Variants in LFNG observed in about 807,000 individuals in gnomAD.
LFNG encodes the protein beta-1,3-N-acetylglucosaminyltransferase lunatic fringe.
In LFNG, 15 loss-of-function variants were observed where a neutral mutation model predicts 32.7. The ratio of observed to expected loss-of-function variants is 0.46; its 90% CI spans 0.31 to 0.71. The LOEUF (loss-of-function observed/expected upper bound fraction) is 0.71, where lower values mean the gene tolerates loss of function less well. LFNG is among the 30% of genes least tolerant of loss of function. The probability of loss-of-function intolerance (pLI) is 0.06; values close to 1 mark genes in which losing one functional copy is unlikely to be tolerated. For synonymous variants in LFNG, 274 were observed against 246.8 expected (o/e 1.11, Z -1.03); for missense variants, 520 against 545.7 (o/e 0.95, Z 0.47).
At chr7:2,518,377 C>T (rs1260905462), upstream of LFNG, among the ~76,000 whole-genome samples, 2 of 152,154 alleles carry the variant, frequency 1.3e-5, no homozygotes, top group Non-Finnish European at 2.9e-5. Flanking sequence ...CTGGGAACCC[C>T]CATCCCCCAC....
Position 2,527,480 on chromosome 7 carries a change from T to G in LFNG, c.*268T>G, listed in dbSNP as rs1780028366. 1 of 1,397,976 alleles carries G rather than the reference T, an allele frequency of 7.2e-7. No homozygotes were observed. The highest frequency in any genetic ancestry group is 1.5e-5 in the South Asian group (1 of 66,790). The allele number at this position is 1,397,976 out of a possible 1,614,324, so 86.6% of individuals were successfully genotyped here. Reference sequence around the variant, plus strand: ...TGCAGGGCCTGCTTGGAGGAAGGATTTGTGTGTCGGAGGCCACTCCGAGGG... The same window carrying G: ...TGCAGGGCCTGCTTGGAGGAAGGATGTGTGTGTCGGAGGCCACTCCGAGGG... On this transcript the variant is annotated 3_prime_UTR_variant, in exon 8 of 8. Coordinates refer to ENST00000222725, the MANE Select transcript of LFNG (RefSeq NM_001040167.2). This position sits in a 1 kb window ranked among gnomAD's most constrained non-coding sequence, Gnocchi z 4.4.
Position 2,527,514 on chromosome 7 carries a change from T to C in LFNG, c.*302T>C. 1 of 1,339,844 alleles carries C rather than the reference T, an allele frequency of 7.5e-7. No homozygotes were observed. Among genetic ancestry groups the C allele is most frequent in the Non-Finnish European group, 9.6e-7 (1 of 1,038,204 alleles). The allele number at this position is 1,339,844 out of a possible 1,614,324, so 83.0% of individuals were successfully genotyped here. A position where few individuals can be genotyped will look rare whatever the true frequency, so the allele number is the denominator to read the frequency against. Reference sequence around the variant, plus strand: ...GGAGGCCACTCCGAGGGCAATTCTGTTAGGATTTTTGGATCTTTCTACAGC... The same window carrying C: ...GGAGGCCACTCCGAGGGCAATTCTGCTAGGATTTTTGGATCTTTCTACAGC... On this transcript the variant is annotated 3_prime_UTR_variant, in exon 8 of 8. Coordinates refer to ENST00000222725, the MANE Select transcript of LFNG (RefSeq NM_001040167.2). This position sits in a 1 kb window ranked among gnomAD's most constrained non-coding sequence, Gnocchi z 4.4.
chr7:2,515,790 G>C (rs190384081), upstream of LFNG, among the ~76,000 whole-genome samples: 273 of 152,376 alleles, frequency 1.8e-3, 3 homozygotes, highest in African/African-American at 6.2e-3. Context: ...TCTGGGCATA[G>C]CAGGCAGGCA....
intron 1 of LFNG, among the ~76,000 whole-genome samples, chr7:2,522,452 G>A (rs1779818954): frequency 2.6e-5 from 4 of 152,224 alleles, no homozygotes; most frequent in Admixed American, 2.6e-4. Flanking sequence ...GCCCCTCCCA[G>A]GAGCAGCCAG....
At position 2,525,762 on chromosome 7, in the gene LFNG, G is replaced by A. The variant is rs140223274; in HGVS notation, c.813G>A (p.Pro271=). 2.3e-5 allele frequency: 37 copies of A among 1,611,384 alleles called. No homozygotes were observed. Among genetic ancestry groups the A allele is most frequent in the South Asian group, 1.5e-4 (14 of 91,034 alleles). ...ISRGLALKMS[P]WASGGHFMNT... The stretch of plus-strand genomic sequence containing the variant: ...GTGGGCTGGCTCTGAAGATGAGCCC[G>A]TGGGCCAGGTGAGTGCCCTGCACAG... The change falls in exon 5 of 8, where the codon CCG becomes CCA. Residue 271 remains proline (P), a synonymous_variant. Transcript: ENST00000222725.
upstream of LFNG, chr7:2,518,051 G>A: frequency 2.1e-6 from 1 of 473,914 alleles, no homozygotes; most frequent in South Asian, 3.2e-5. Flanking sequence ...AGATATGGGA[G>A]AGCCTGAAGT....
At chr7:2,517,767 T>C (rs1308724669), upstream of LFNG, 9 of 735,512 alleles carry the variant, frequency 1.2e-5, no homozygotes, top group Non-Finnish European at 1.7e-5. Flanking sequence ...CTGCAGGGGA[T>C]TGAGGAGGGA....
In LFNG at chr7:2,527,946, C is replaced by T; in HGVS notation, c.*734C>T. 1.0e-6 allele frequency: 1 copy of T among 985,806 alleles called. No individual in the cohort carries two copies. Among genetic ancestry groups the T allele is most frequent in the Non-Finnish European group, 1.2e-6 (1 of 830,152 alleles). The allele number at this position is 985,806 out of a possible 1,614,324, so 61.1% of individuals were successfully genotyped here. ...AGAGCTCAGCATTTAATCTCCTCTC[C>T]AAAGTAGAGAGCAAGTCGCCCACAG... On this transcript the variant is annotated 3_prime_UTR_variant, in exon 8 of 8. Transcript: ENST00000222725. This position sits in a 1 kb window ranked among gnomAD's most constrained non-coding sequence, Gnocchi z 4.4.
At chr7:2,524,669 G>C (rs1269847503) in intron 1 of LFNG, 26 bp from the exon 2 acceptor site, 1 of 1,569,842 alleles carries the variant, frequency 6.4e-7, no homozygotes, top group Admixed American at 1.9e-5. Context: ...AGGGCTGCCT[G>C]CTGAAGGCCG....
rs142596712 is a variant in LFNG at position 2,525,499 on chromosome 7, G to T, written c.667G>T (p.Val223Phe). Residue 223 changes from valine to phenylalanine, a missense_variant, in exon 4 of 8, where the codon GTC (valine) becomes TTC (phenylalanine). By Grantham distance (50) the Val-to-Phe change is conservative. Coordinates refer to ENST00000222725, the MANE Select transcript of LFNG (RefSeq NM_001040167.2). ...GGCCAGCTACCCGCACACGCGGGAC[G>T]TCTACGTCGGCAAGCCCAGCCTGGA... ...LLASYPHTRDVYVGKPSLDRP... is the reference protein window; with the variant it reads ...LLASYPHTRDFYVGKPSLDRP... 1.9e-6 allele frequency: 3 copies of T among 1,612,378 alleles called. No individual in the cohort carries two copies.
At chr7:2,525,830 T>C in intron 5 of LFNG, 60 bp downstream of exon 5, 2 of 1,459,518 alleles carry the variant, frequency 1.4e-6, no homozygotes, top group Non-Finnish European at 9.5e-7. Context: ...CTGTGGGGCC[T>C]GGCTTAGTTC....
At chr7:2,513,056 C>G, upstream of LFNG, 1 of 1,161,516 alleles carries the variant, frequency 8.6e-7, no homozygotes, top group Non-Finnish European at 1.3e-6. Flanking sequence ...CCTCCCAGCC[C>G]CAGCCCACAG....
intron 1 of LFNG, among the ~76,000 whole-genome samples, chr7:2,522,053 A>G (rs1182091599): frequency 1.3e-5 from 2 of 152,188 alleles, no homozygotes; most frequent in Non-Finnish European, 2.9e-5. Flanking sequence ...GGAAACCCAC[A>G]GAAGAGGGCC....
Position 2,525,486 on chromosome 7 carries a change from G to A in LFNG, c.654G>A (p.Pro218=), listed in dbSNP as rs1779939833. ...RALLRLLASY[P]HTRDVYVGKP... is the part of the protein sequence containing the mutation. Reference sequence around the variant, plus strand: ...TGCTGCGGCTGCTGGCCAGCTACCCGCACACGCGGGACGTCTACGTCGGCA... The same window carrying A: ...TGCTGCGGCTGCTGGCCAGCTACCCACACACGCGGGACGTCTACGTCGGCA... The change falls in exon 4 of 8, where the codon CCG becomes CCA. Residue 218 remains proline (P), a synonymous_variant. Coordinates refer to ENST00000222725, the MANE Select transcript of LFNG (RefSeq NM_001040167.2). 5 of 1,612,320 alleles carry A rather than the reference G, an allele frequency of 3.1e-6. No individual in the cohort carries two copies. The highest frequency in any genetic ancestry group is 4.2e-6 in the Non-Finnish European group (5 of 1,179,836).
chr7:2,525,873 T>C, intron 5 of LFNG, 103 bp downstream of exon 5: 3 of 966,684 alleles, frequency 3.1e-6, no homozygotes, highest in Non-Finnish European at 4.8e-6. Flanking sequence ...CCCAGCCTCC[T>C]GTGTGGCACT....
chr7:2,526,493 G>A lies in LFNG; in HGVS notation c.987+84G>A. 1.4e-6 allele frequency: 2 copies of A among 1,480,828 alleles called. No individual in the cohort carries two copies. Among genetic ancestry groups the A allele is most frequent in the African/African-American group, 1.4e-5 (1 of 72,644 alleles). 91.7% of individuals were successfully genotyped at this position (1,480,828 alleles called of 1,614,324 possible). On this transcript the variant is annotated intron_variant, in intron 6 of 7. Coordinates refer to ENST00000222725, the MANE Select transcript of LFNG (RefSeq NM_001040167.2). This position sits in a 1 kb window ranked among gnomAD's most constrained non-coding sequence, Gnocchi z 6.9. ...GCCGAGAGGGGCGCAGTGGGGTGGG[G>A]CACTGTTCTAAACAGGGAGGCCAGG... is the stretch of plus-strand genomic sequence containing the variant.
chr7:2,518,195 A>G (rs1779676333), upstream of LFNG, among the ~76,000 whole-genome samples: 1 of 152,172 alleles, frequency 6.6e-6, no homozygotes, highest in South Asian at 2.1e-4. Context: ...CTCACCCTCA[A>G]GCCTCTCCAG....
upstream of LFNG, among the ~76,000 whole-genome samples, chr7:2,515,894 C>G (rs1779616183): frequency 6.6e-6 from 1 of 152,228 alleles, no homozygotes; most frequent in Non-Finnish European, 1.5e-5. Context: ...TCAGCTGTGC[C>G]ACCCTGCGGT....
At chr7:2,525,089 G>C in intron 2 of LFNG, 130 bp from the exon 3 acceptor site, 1 of 832,468 alleles carries the variant, frequency 1.2e-6, no homozygotes, top group South Asian at 1.5e-5. Flanking sequence ...GGTGGGGGAG[G>C]CTACGGCCGC....
Sources: gnomAD v4.1 joint callset for allele counts (sites outside exome capture counted in the v4.1 genomes callset) on GRCh38, gnomAD v4.1.1 for gene constraint, Gnocchi (gnomAD v3.1) non-coding constraint, MANE v1.5 for transcripts, NCBI Gene and HGNC (gene_info 2026-07-23, HGNC 2026-07-21) for gene names.